The following CDC73 variants were observed in gnomAD, a reference collection of about 807,000 sequenced individuals.
The protein encoded by CDC73 is cell division cycle 73.
CDC73 carries 21 observed loss-of-function variants against 83.7 expected under a neutral mutation model. That is an observed-to-expected ratio of 0.25 (90% CI 0.18 to 0.36). CDC73 has a LOEUF of 0.36. Ranked by LOEUF, CDC73 falls within the 10% of genes least tolerant of loss-of-function variation. The pLI is 1.00. For missense variants in CDC73, 342 were observed against 653.3 expected, an observed-to-expected ratio of 0.52 and a Z score of 5.19; for synonymous variants, 224 against 212.9, an observed-to-expected ratio of 1.05 and a Z score of -0.45.
rs2102076007 is a variant in CDC73, at chr1:193,252,170, T to C, written c.*1458T>C. On this transcript the variant is annotated 3_prime_UTR_variant, in exon 17 of 17. Transcript: ENST00000367435. Reference sequence around the variant, plus strand: ...TACAAGGCTCTTCAGAAGGGAACAGTCAGCATTTTAAATTACTAGATTTTA... The same window carrying C: ...TACAAGGCTCTTCAGAAGGGAACAGCCAGCATTTTAAATTACTAGATTTTA... The C allele has an allele frequency of 4.3e-6, 1 of 231,052 alleles. No individual in the cohort carries two copies. Among genetic ancestry groups the C allele is most frequent in the South Asian group, 1.8e-4 (1 of 5,504 alleles). The allele number at this position is 231,052 out of a possible 1,614,324, so 14.3% of individuals were successfully genotyped here.
At chr1:193,244,825 C>G (rs1292971118) in intron 15 of CDC73, among the ~76,000 whole-genome samples, 1 of 152,030 alleles carries the variant, frequency 6.6e-6, no homozygotes, top group Non-Finnish European at 1.5e-5. Flanking sequence ...CTTATTTTTC[C>G]TCAGTAGCAT....
At chr1:193,222,760 T>G (rs1260494434) in intron 13 of CDC73, among the ~76,000 whole-genome samples, 1 of 151,246 alleles carries the variant, frequency 6.6e-6, no homozygotes, top group African/African-American at 2.4e-5. Context: ...AATAAGCTTT[T>G]TTTTTTTTTT....
At chr1:193,183,144 C>T (rs1379274167) in intron 10 of CDC73, among the ~76,000 whole-genome samples, 1 of 151,692 alleles carries the variant, frequency 6.6e-6, no homozygotes, top group East Asian at 1.9e-4. Flanking sequence ...AATTCACATA[C>T]ATAACGTTAA....
intron 1 of CDC73, among the ~76,000 whole-genome samples, chr1:193,124,023 G>C (rs1675518210): frequency 6.6e-6 from 1 of 152,206 alleles, no homozygotes; most frequent in Non-Finnish European, 1.5e-5. Flanking sequence ...TAAATGATGG[G>C]TTAAGTCTTC....
At position 193,233,146 on chromosome 1, in the gene CDC73, T is replaced by A. The variant is rs991835494; in HGVS notation, c.1308T>A (p.Pro436=). ...TAGACCAGCCCCTTAAACTTATGCC[T>A]CAAGACTGGTAAGATAGTCTCTATA... is the stretch of plus-strand genomic sequence containing the variant. ...RVVDQPLKLM[P]QDWDRVVAVF... is the part of the protein sequence containing the mutation. Residue 436 remains proline (P), a synonymous_variant, in exon 14 of 17, where the codon CCT becomes CCA. Transcript: ENST00000367435. The A allele has an allele frequency of 1.9e-6, 3 of 1,610,824 alleles. No individual in the cohort carries two copies. Among genetic ancestry groups the A allele is most frequent in the Non-Finnish European group, 2.5e-6 (3 of 1,177,328 alleles).
chr1:193,157,619 T>C (rs1676230162), intron 10 of CDC73, among the ~76,000 whole-genome samples: 1 of 152,224 alleles, frequency 6.6e-6, no homozygotes, highest in South Asian at 2.1e-4. Context: ...TAAGAGGTTT[T>C]CTCTAGATTG....
chr1:193,187,873 C>T (rs1676846928), intron 10 of CDC73, among the ~76,000 whole-genome samples: 1 of 152,256 alleles, frequency 6.6e-6, no homozygotes, highest in East Asian at 1.9e-4. Context: ...AAAGCCTAGA[C>T]TGAGCTTTGA....
intron 10 of CDC73, among the ~76,000 whole-genome samples, chr1:193,198,736 A>C (rs998041853): frequency 6.6e-6 from 1 of 152,254 alleles, no homozygotes; most frequent in Non-Finnish European, 1.5e-5. Context: ...GGAAGTCTTC[A>C]AATCAGAGGT....
At chr1:193,126,577 G>A (rs1383034331) in intron 2 of CDC73, among the ~76,000 whole-genome samples, 1 of 152,060 alleles carries the variant, frequency 6.6e-6, no homozygotes. Context: ...TTTTAAATGA[G>A]CTTTTCCCTC....
At chr1:193,209,969 C>T (rs1200891844) in intron 11 of CDC73, among the ~76,000 whole-genome samples, 1 of 152,096 alleles carries the variant, frequency 6.6e-6, no homozygotes, top group Non-Finnish European at 1.5e-5. Flanking sequence ...CATCCTGTTA[C>T]CCCTTTATCT....
intron 9 of CDC73, among the ~76,000 whole-genome samples, chr1:193,150,821 T>C (rs540821931): frequency 3.3e-5 from 5 of 152,344 alleles, no homozygotes; most frequent in African/African-American, 1.2e-4. Context: ...TGCCTGTCTC[T>C]TACCATTATT....
Position 193,210,885 on chromosome 1 carries a change from G to GA in CDC73, c.1031-1171dup, listed in dbSNP as rs140535902. Among the ~76,000 whole-genome samples the GA allele has an allele frequency of 2.2e-3, 329 of 150,406 alleles. 1 individual carries two copies. The highest frequency in any genetic ancestry group is 7.4e-3 in the African/African-American group (304 of 41,000). ...GACAAGAAACAATTTTTAAAAGAAA[G>GA]AAAAAAAAATAAAAGGAATCTTTTA... On this transcript the variant is annotated intron_variant, in intron 11 of 16. Transcript: ENST00000367435.
intron 10 of CDC73, chr1:193,161,245 C>G (rs2103140589): frequency 5.7e-6 from 1 of 176,486 alleles, no homozygotes; most frequent in Non-Finnish European, 1.2e-5. Flanking sequence ...CTCTTACTTG[C>G]TTCTGGACTG....
intron 10 of CDC73, among the ~76,000 whole-genome samples, chr1:193,174,271 C>T (rs1400759684): frequency 1.3e-5 from 2 of 152,022 alleles, no homozygotes; most frequent in African/African-American, 4.8e-5. Context: ...GATTCCTTCT[C>T]ATAATTCAGA....
intron 10 of CDC73, chr1:193,181,162 T>C: frequency 6.2e-7 from 1 of 1,613,930 alleles, no homozygotes; most frequent in Non-Finnish European, 8.5e-7. Context: ...TTTGAAATGG[T>C]AAGAATTTGG....
chr1:193,214,977 C>T (rs550449142), intron 13 of CDC73, among the ~76,000 whole-genome samples: 52 of 152,164 alleles, frequency 3.4e-4, no homozygotes, highest in Non-Finnish European at 5.3e-4. Context: ...ATATACAACA[C>T]GCCCAACCTT....
intron 10 of CDC73, chr1:193,180,993 C>G: frequency 1.9e-6 from 3 of 1,613,552 alleles, no homozygotes; most frequent in Non-Finnish European, 2.5e-6. Context: ...TTAAGCCCAA[C>G]AAAAATATTC....
chr1:193,129,886 T>C (rs1675664357), intron 2 of CDC73, among the ~76,000 whole-genome samples: 2 of 152,218 alleles, frequency 1.3e-5, no homozygotes, highest in African/African-American at 4.8e-5. Flanking sequence ...CTAGTCATTT[T>C]GTTCAAATGT....
intron 10 of CDC73, among the ~76,000 whole-genome samples, chr1:193,187,113 G>C (rs868531112): frequency 6.3e-5 from 2 of 31,524 alleles, no homozygotes; most frequent in Admixed American, 3.9e-4. Context: ...CCCCCCCCCC[G>C]TTTTCTGGGG....
Sources: allele counts gnomAD v4.1 joint callset (sites outside exome capture counted in the v4.1 genomes callset), GRCh38; gene constraint gnomAD v4.1.1; transcripts MANE v1.5; gene names NCBI Gene and HGNC (gene_info 2026-07-23, HGNC 2026-07-21).